The following POLD1 variants were observed in gnomAD, a reference collection of about 807,000 sequenced individuals.
POLD1 encodes the protein DNA polymerase delta catalytic subunit.
Under a neutral mutation model 129.7 loss-of-function variants are expected in POLD1, and 79 were observed. That is an observed-to-expected ratio of 0.61 (90% CI 0.51 to 0.73). The LOEUF (loss-of-function observed/expected upper bound fraction) is 0.73, where lower values mean the gene tolerates loss of function less well. POLD1 is among the 30% of genes least tolerant of loss of function. The probability of loss-of-function intolerance (pLI) is 0.00; values close to 1 mark genes in which losing one functional copy is unlikely to be tolerated. For missense variants in POLD1, 1,338 were observed against 1,595.8 expected, an observed-to-expected ratio of 0.84 and a Z score of 2.75; for synonymous variants, 714 against 683.3, an observed-to-expected ratio of 1.04 and a Z score of -0.70.
chr19:50,391,474 T>G (rs187159581), intron 1 of POLD1, among the ~76,000 whole-genome samples: 1 of 152,144 alleles, frequency 6.6e-6, no homozygotes, highest in African/African-American at 2.4e-5. Flanking sequence ...GGCGGGCAGA[T>G]CACTCGCGGT....
intron 20 of POLD1, among the ~76,000 whole-genome samples, 191 bp downstream of exon 20, chr19:50,415,181 C>T (rs1465561552): frequency 6.6e-6 from 1 of 152,160 alleles, no homozygotes; most frequent in East Asian, 1.9e-4. Context: ...TCCAGACCCC[C>T]AGCCCCTCCT....
chr19:50,407,535 C>G (rs1006595550), intron 14 of POLD1, 120 bp downstream of exon 14: 2 of 443,118 alleles, frequency 4.5e-6, no homozygotes, highest in African/African-American at 4.1e-5. Flanking sequence ...CCCTGCTCCA[C>G]AAAATTTTTT....
At chr19:50,402,416 C>G in intron 6 of POLD1, 38 bp from the exon 7 acceptor site, 1 of 1,613,236 alleles carries the variant, frequency 6.2e-7, no homozygotes, top group Non-Finnish European at 8.5e-7. Flanking sequence ...TCCCCACCCT[C>G]GGGCAGCCCC....
rs778838312 is a variant in POLD1, at chr19:50,399,437, A to G, written c.269A>G (p.Gln90Arg). 8 of 1,614,008 alleles carry G rather than the reference A, an allele frequency of 5.0e-6. No individual in the cohort carries two copies. The highest frequency in any genetic ancestry group is 5.9e-6 in the Non-Finnish European group (7 of 1,179,984). Residue 90 changes from glutamine (Q) to arginine (R), a missense_variant, in exon 3 of 27, where the codon CAG becomes CGG. Transcript: ENST00000440232. Reference sequence around the variant, plus strand: ...CCCACACCACCAGCGCTGGACCCCCAGACAGAGCCCCTCATCTTCCAACAG... The same window carrying G: ...CCCACACCACCAGCGCTGGACCCCCGGACAGAGCCCCTCATCTTCCAACAG... Reference protein sequence around the residue: ...LRPTPPALDPQTEPLIFQQLE... With the variant: ...LRPTPPALDPRTEPLIFQQLE...
intron 22 of POLD1, 23 bp from the exon 23 acceptor site, chr19:50,416,373 G>A (rs1380304032): frequency 5.8e-6 from 9 of 1,547,172 alleles, no homozygotes; most frequent in Non-Finnish European, 7.0e-6. Flanking sequence ...GGCTGCCCGG[G>A]TGTGACTGCC....
chr19:50,417,035 C>T lies in POLD1; in HGVS notation c.3068-10C>T, dbSNP rs1460374299. 1.3e-6 allele frequency: 2 copies of T among 1,549,136 alleles called. No homozygotes were observed. The highest frequency in any genetic ancestry group is 1.2e-5 in the South Asian group (1 of 83,944). On this transcript the variant is annotated splice_polypyrimidine_tract_variant and intron_variant, in intron 24 of 26. Coordinates refer to ENST00000440232, the MANE Select transcript of POLD1 (RefSeq NM_002691.4). The stretch of plus-strand genomic sequence containing the variant: ...GGCCCCAGCACTTGGGCTGACCCGC[C>T]TCCCCACAGGAGCCGTGTGTGAGTT...
intron 18 of POLD1, 98 bp downstream of exon 18, chr19:50,413,619 C>A: frequency 2.0e-6 from 3 of 1,526,224 alleles, no homozygotes; most frequent in Non-Finnish European, 2.7e-6. Context: ...CCTGGTCACA[C>A]CCTGCCCACT....
chr19:50,402,574 G>C (rs2122253480), intron 7 of POLD1, 38 bp from the exon 8 acceptor site: 1 of 1,573,396 alleles, frequency 6.4e-7, no homozygotes, highest in South Asian at 1.2e-5. Context: ...TGGGGAGCTG[G>C]TACCCTGCTG....
chr19:50,395,003 T>C (rs916916691), intron 1 of POLD1: 2 of 82,800 alleles, frequency 2.4e-5, no homozygotes, highest in African/African-American at 1.1e-4. Flanking sequence ...GCCCAGCTAA[T>C]TTTTTTTTTT....
chr19:50,416,831 A>T, intron 24 of POLD1, 108 bp downstream of exon 24: 4 of 993,750 alleles, frequency 4.0e-6, no homozygotes, highest in Non-Finnish European at 5.8e-6. Flanking sequence ...CAGTGGGCCC[A>T]GGGCCCCTGG....
chr19:50,388,023 G>A (rs1056936789), intron 1 of POLD1, among the ~76,000 whole-genome samples: 2 of 152,300 alleles, frequency 1.3e-5, no homozygotes, highest in East Asian at 3.9e-4. Flanking sequence ...ACGAAAGGCC[G>A]CCACACACAT....
chr19:50,389,900 TTTTTTGTTTTG>T (rs1330046994), intron 1 of POLD1, among the ~76,000 whole-genome samples: 1 of 149,900 alleles, frequency 6.7e-6, no homozygotes, highest in Non-Finnish European at 1.5e-5. Flanking sequence ...TTTTTTTTTG[TTTTTTGTTTTG>T]TTTTTTTTTT....
At position 50,406,654 on chromosome 19, in the gene POLD1, A is replaced by G. The variant is rs2038897596; in HGVS notation, c.1494+137A>G. ...CTGTTATGACCTGTGACCTTACCTG[A>G]CGCCCACTTTTTCCTGACCTCTGAC... On this transcript the variant is annotated intron_variant, in intron 12 of 26. Transcript: ENST00000440232. The surrounding 1 kb of genome is among the most constrained non-coding windows in gnomAD (Gnocchi z 5.5). The G allele has an allele frequency of 5.8e-6, 4 of 690,144 alleles. No individual in the cohort carries two copies. In the Admixed American group the frequency reaches 9.1e-5, roughly 16 times the overall value. The allele number at this position is 690,144 out of a possible 1,614,324, so 42.8% of individuals were successfully genotyped here.
rs779418268 is a variant in POLD1 at position 50,398,915 on chromosome 19, C to T, written c.64C>T (p.Leu22Phe). Residue 22 changes from leucine to phenylalanine, a missense_variant, in exon 2 of 27, where the codon CTC becomes TTC. Physicochemically the swap from Leu to Phe is conservative, Grantham distance 22. Transcript: ENST00000440232. ...GVPPKRARGG[L>F]WDDDDAPRPS... The stretch of plus-strand genomic sequence containing the variant: ...GCCCCCAAAGCGGGCCCGTGGGGGC[C>T]TCTGGGATGATGATGATGCACCTCG... The T allele has an allele frequency of 3.1e-6, 5 of 1,598,456 alleles. No homozygotes were observed. Among genetic ancestry groups the T allele is most frequent in the Admixed American group, 3.5e-5 (2 of 57,560 alleles).
chr19:50,404,453 G>A (rs1207404783), intron 10 of POLD1, among the ~76,000 whole-genome samples: 2 of 148,712 alleles, frequency 1.3e-5, no homozygotes, highest in African/African-American at 2.6e-5. Flanking sequence ...TAGTAGAGAC[G>A]GGGTTTCACT....
intron 10 of POLD1, among the ~76,000 whole-genome samples, chr19:50,404,573 T>C (rs2038797893): frequency 1.0e-5 from 1 of 98,790 alleles, no homozygotes; most frequent in South Asian, 3.4e-4. Context: ...CTTTTCTCTT[T>C]CTTTTTTTTT....
intron 22 of POLD1, 122 bp from the exon 23 acceptor site, chr19:50,416,273 GC>G (rs924178837): frequency 3.4e-5 from 34 of 1,003,906 alleles, no homozygotes; most frequent in Non-Finnish European, 4.4e-5. Context: ...CCAGACCCAG[GC>G]CCCCCCCATG....
chr19:50,407,078 G>T lies in POLD1; in HGVS notation c.1590G>T (p.Val530=). Residue 530 remains valine (V), a synonymous_variant, in exon 13 of 27, where the codon GTG becomes GTT. Coordinates refer to ENST00000440232, the MANE Select transcript of POLD1 (RefSeq NM_002691.4). ...TGCTGGAGCGGCTCATGGTGCTGGT[G>T]AACGCCGTGGAGATGGCGAGGGTCA... ...LRLLERLMVL[V]NAVEMARVTG... The T allele has an allele frequency of 6.2e-7, 1 of 1,613,806 alleles. No individual in the cohort carries two copies. The highest frequency in any genetic ancestry group is 8.5e-7 in the Non-Finnish European group (1 of 1,180,000).
chr19:50,388,202 A>G (rs1248327399), intron 1 of POLD1, among the ~76,000 whole-genome samples: 1 of 152,150 alleles, frequency 6.6e-6, no homozygotes, highest in East Asian at 1.9e-4. Flanking sequence ...GAGCTAAAGG[A>G]TTTAGGCTTT....
Sources: gnomAD v4.1 joint callset for allele counts (sites outside exome capture counted in the v4.1 genomes callset) on GRCh38, gnomAD v4.1.1 for gene constraint, Gnocchi (gnomAD v3.1) non-coding constraint, MANE v1.5 for transcripts, NCBI Gene and HGNC (gene_info 2026-07-23, HGNC 2026-07-21) for gene names.